Variants in CES5A observed in about 807,000 individuals in gnomAD.
The protein encoded by CES5A is carboxylesterase 5.
In CES5A, 67 loss-of-function variants were observed where a neutral mutation model predicts 62.9. That is an observed-to-expected ratio of 1.07 (90% CI 0.88 to 1.31). The LOEUF (loss-of-function observed/expected upper bound fraction) is 1.31, where lower values mean the gene tolerates loss of function less well. Ranked by LOEUF, CES5A falls within the 50% of genes most tolerant of loss-of-function variation. CES5A has a pLI of 0.00. For synonymous variants in CES5A, 296 were observed against 280.8 expected, an observed-to-expected ratio of 1.05 and a Z score of -0.54; for missense variants, 748 against 708.5, an observed-to-expected ratio of 1.06 and a Z score of -0.63.
chr16:55,950,617 A>C (rs2034544286), intron 1 of CES5A, among the ~76,000 whole-genome samples: 1 of 152,132 alleles, frequency 6.6e-6, no homozygotes, highest in South Asian at 2.1e-4. Context: ...GAGAAATGGA[A>C]AATAATTCCA....
At chr16:55,922,837 G>A (rs1223211792) in intron 1 of CES5A, among the ~76,000 whole-genome samples, 4 of 151,816 alleles carry the variant, frequency 2.6e-5, no homozygotes, top group Admixed American at 1.3e-4. Flanking sequence ...ATGATATCAA[G>A]TACCTTTTTT....
intron 1 of CES5A, among the ~76,000 whole-genome samples, chr16:55,881,608 G>A (rs1359933733): frequency 6.6e-6 from 1 of 152,194 alleles, no homozygotes; most frequent in African/African-American, 2.4e-5. Context: ...TAGCCAATTC[G>A]AATGGCCAAG....
chr16:55,946,928 C>T (rs2034501520), intron 2 of CES5A, among the ~76,000 whole-genome samples: 1 of 152,204 alleles, frequency 6.6e-6, no homozygotes, highest in Non-Finnish European at 1.5e-5. Flanking sequence ...CCACTCAAGT[C>T]TATTTCAAGC....
intron 5 of CES5A, among the ~76,000 whole-genome samples, chr16:55,865,035 C>A (rs1317544358): frequency 2.7e-5 from 4 of 149,952 alleles, no homozygotes; most frequent in Non-Finnish European, 5.9e-5. Flanking sequence ...GGAGAAACCC[C>A]ATCTCTACTA....
chr16:55,917,930 G>T (rs1597149378), intron 1 of CES5A, among the ~76,000 whole-genome samples: 1 of 152,224 alleles, frequency 6.6e-6, no homozygotes, highest in Non-Finnish European at 1.5e-5. Context: ...TCATAATTGT[G>T]CTGTCAACTG....
intron 11 of CES5A, among the ~76,000 whole-genome samples, chr16:55,849,016 C>A (rs995179299): frequency 6.6e-6 from 1 of 152,208 alleles, no homozygotes; most frequent in African/African-American, 2.4e-5. Flanking sequence ...AAGTTAAGAG[C>A]CTGCATTGTG....
chr16:55,913,954 G>T (rs953158536), intron 1 of CES5A, among the ~76,000 whole-genome samples: 1 of 152,170 alleles, frequency 6.6e-6, no homozygotes, highest in African/African-American at 2.4e-5. Flanking sequence ...CAAGCACAGG[G>T]TGCCCTGTGC....
chr16:55,860,563 T>G (rs1412682246), intron 7 of CES5A, among the ~76,000 whole-genome samples: 1 of 152,152 alleles, frequency 6.6e-6, no homozygotes, highest in African/African-American at 2.4e-5. Flanking sequence ...GTAGATGAAG[T>G]GGTCAGGACT....
chr16:55,855,514 CA>C (rs2033222589), intron 9 of CES5A, among the ~76,000 whole-genome samples: 1 of 152,192 alleles, frequency 6.6e-6, no homozygotes, highest in Non-Finnish European at 1.5e-5. Flanking sequence ...TACAGATCCC[CA>C]GTCCCATGTG....
intron 9 of CES5A, among the ~76,000 whole-genome samples, chr16:55,853,812 T>C (rs2033178532): frequency 6.6e-6 from 1 of 152,184 alleles, no homozygotes; most frequent in Admixed American, 6.5e-5. Context: ...GTAAATTCCA[T>C]GAAGATTCAG....
chr16:55,926,528 C>T (rs1215427236), upstream of CES5A, among the ~76,000 whole-genome samples: 1 of 152,056 alleles, frequency 6.6e-6, no homozygotes, highest in African/African-American at 2.4e-5. Flanking sequence ...AAAATGAGTG[C>T]CCCTTACAAA....
rs1597105009 is a variant in CES5A, at chr16:55,846,375, G to C, written c.*76C>G. 2.6e-6 allele frequency: 3 copies of C among 1,141,842 alleles called. No homozygotes were observed. The highest frequency in any genetic ancestry group is 1.3e-5 in the South Asian group (1 of 74,618). 70.7% of individuals were successfully genotyped at this position (1,141,842 alleles called of 1,614,324 possible). On this transcript the variant is annotated 3_prime_UTR_variant, in exon 13 of 13. Transcript: ENST00000290567. ...AAGGATCCCCATAGAAAGCAGCTGA[G>C]CTCAGAAAGAAGCTAATGATTGCGG...
chr16:55,925,303 AC>A (rs2034247360), intron 1 of CES5A: 2 of 151,858 alleles, frequency 1.3e-5, no homozygotes, highest in African/African-American at 4.9e-5. Flanking sequence ...AATCAAAACA[AC>A]AATGAGATAC....
exon 2 of CES5A, chr16:55,949,819 C>T (rs2034535020): frequency 1.3e-6 from 2 of 1,515,984 alleles, no homozygotes; most frequent in South Asian, 2.5e-5. Context: ...AGACATCAAT[C>T]CTCAATACAT....
At chr16:55,936,067 C>CTGAGA (rs2034371357) in intron 2 of CES5A, among the ~76,000 whole-genome samples, 1 of 152,160 alleles carries the variant, frequency 6.6e-6, no homozygotes, top group Admixed American at 6.5e-5. Flanking sequence ...GGCCTTTCTT[C>CTGAGA]CTCCTGACTT....
intron 4 of CES5A, among the ~76,000 whole-genome samples, chr16:55,868,628 C>T (rs1173814867): frequency 5.3e-5 from 8 of 152,174 alleles, no homozygotes; most frequent in South Asian, 2.1e-4. Flanking sequence ...CTCCCATAGT[C>T]AGGAGCCTCT....
chr16:55,892,268 C>T (rs1406063983), intron 1 of CES5A, among the ~76,000 whole-genome samples: 1 of 152,132 alleles, frequency 6.6e-6, no homozygotes, highest in Non-Finnish European at 1.5e-5. Context: ...CCCACACCAC[C>T]ATCCCTGCTT....
intron 1 of CES5A, among the ~76,000 whole-genome samples, chr16:55,903,870 G>A (rs74779663): frequency 0.029 from 4,451 of 152,238 alleles, 79 homozygotes; most frequent in African/African-American, 0.041. Flanking sequence ...TTCCCCTATG[G>A]TACAAAGCCC....
chr16:55,863,760 TC>T (rs1300237606), intron 5 of CES5A, among the ~76,000 whole-genome samples: 1 of 137,284 alleles, frequency 7.3e-6, no homozygotes, highest in African/African-American at 3.0e-5. Context: ...TCTTTTTATT[TC>T]TTTTTTTTTT....
Sources: allele counts gnomAD v4.1 joint callset (sites outside exome capture counted in the v4.1 genomes callset), GRCh38; gene constraint gnomAD v4.1.1; transcripts MANE v1.5; gene names NCBI Gene and HGNC (gene_info 2026-07-23, HGNC 2026-07-21).